USP44: variants seen among roughly 807,000 people sequenced by gnomAD.
USP44 encodes ubiquitin carboxyl-terminal hydrolase 44.
In USP44, 61 loss-of-function variants were observed where a neutral mutation model predicts 69.0. The observed-to-expected ratio is 0.88, with a 90% CI of 0.72 to 1.09. The LOEUF is 1.09. USP44 is among the 50% of genes least tolerant of loss of function. USP44 has a pLI of 0.00. For missense variants in USP44, 753 were observed against 849.9 expected (o/e 0.89, Z 1.42); for synonymous variants, 297 against 295.4 (o/e 1.01, Z -0.06).
intron 1 of USP44, among the ~76,000 whole-genome samples, chr12:95,545,293 A>G (rs2077533983): frequency 6.6e-6 from 1 of 152,058 alleles, no homozygotes; most frequent in Admixed American, 6.6e-5. Context: ...CATTAAAAAC[A>G]AAAACGAAAA....
chr12:95,522,061 T>C (rs561902830), intron 4 of USP44: 2 of 985,438 alleles, frequency 2.0e-6, no homozygotes, highest in Admixed American at 6.1e-5. Flanking sequence ...ATACTTCCCA[T>C]TACTGGATCT....
intron 1 of USP44, among the ~76,000 whole-genome samples, chr12:95,539,474 C>T (rs2077319423): frequency 1.3e-5 from 2 of 152,172 alleles, no homozygotes; most frequent in Non-Finnish European, 2.9e-5. Flanking sequence ...GATCTGCCCG[C>T]CTCGGCCTCC....
chr12:95,547,800 G>A (rs1038612458), intron 1 of USP44, among the ~76,000 whole-genome samples: 1 of 152,202 alleles, frequency 6.6e-6, no homozygotes, highest in Non-Finnish European at 1.5e-5. Context: ...GGTGGCGGGA[G>A]TGGGGGACTT....
In USP44 at chr12:95,543,993, A is replaced by T. The variant is rs532585668; in HGVS notation, c.-71+7279T>A. On this transcript the variant is annotated intron_variant, in intron 1 of 5. Transcript: ENST00000258499. ...AAAAAAAAAAAAAAAAAAAAAAGAAAAAAACCCAAAACAAAACAAAAACAA... is the reference window on the plus strand; with the variant it reads ...AAAAAAAAAAAAAAAAAAAAAAGAATAAAACCCAAAACAAAACAAAAACAA... Among the ~76,000 whole-genome samples the T allele has an allele frequency of 4.0e-5, 6 of 149,210 alleles. No homozygotes were observed. In the East Asian group the frequency reaches 1.2e-3, roughly 29 times the overall value.
chr12:95,545,495 C>G (rs140564378), intron 1 of USP44, among the ~76,000 whole-genome samples: 2 of 152,206 alleles, frequency 1.3e-5, no homozygotes, highest in East Asian at 3.9e-4. Context: ...GGAAGTAGGC[C>G]TTAGGAATTA....
At chr12:95,519,509 G>A (rs1405058179) in intron 5 of USP44, among the ~76,000 whole-genome samples, 1 of 140,900 alleles carries the variant, frequency 7.1e-6, no homozygotes, top group African/African-American at 2.6e-5. Context: ...GCGCAGTCTC[G>A]GCTCACTGCA....
intron 1 of USP44, among the ~76,000 whole-genome samples, chr12:95,540,221 G>A (rs186749338): frequency 1.3e-5 from 2 of 151,852 alleles, no homozygotes; most frequent in African/African-American, 2.4e-5. Flanking sequence ...GCTTACCTAC[G>A]CAACTTACCT....
At chr12:95,526,343 C>T (rs1435059745) in intron 3 of USP44, among the ~76,000 whole-genome samples, 1 of 152,170 alleles carries the variant, frequency 6.6e-6, no homozygotes, top group Non-Finnish European at 1.5e-5. Flanking sequence ...AAGGCAGAGG[C>T]GGGTGGATCA....
At chr12:95,537,831 T>C (rs1360871000) in intron 1 of USP44, among the ~76,000 whole-genome samples, 1 of 152,186 alleles carries the variant, frequency 6.6e-6, no homozygotes. Context: ...ATCTATACTT[T>C]CAAAATTGTA....
Position 95,533,191 on chromosome 12 carries a change from G to C in USP44, c.1066C>G (p.Leu356Val). The change falls in exon 2 of 6, where the codon CTA becomes GTA. Residue 356 changes from leucine (L) to valine (V), a missense_variant. Coordinates refer to ENST00000258499, the MANE Select transcript of USP44 (RefSeq NM_032147.5). ...CSRQSSLSSG[L>V]SGGASKGRKM... ...CTACCTTTTGATGCTCCACCACTTA[G>C]TCCTGATGACAGACTTGATTGTCTG... 1.2e-6 allele frequency: 2 copies of C among 1,614,108 alleles called. No homozygotes were observed. Among genetic ancestry groups the C allele is most frequent in the Non-Finnish European group, 1.7e-6 (2 of 1,180,026 alleles).
chr12:95,527,097 CT>C (rs1276106110), intron 3 of USP44, among the ~76,000 whole-genome samples: 263 of 133,926 alleles, frequency 2.0e-3, no homozygotes, highest in East Asian at 3.5e-3. Context: ...CTGGATCATT[CT>C]TTTTTTTTTT....
chr12:95,530,994 C>T (rs2077001693), intron 2 of USP44, among the ~76,000 whole-genome samples: 1 of 152,044 alleles, frequency 6.6e-6, no homozygotes, highest in Non-Finnish European at 1.5e-5. Flanking sequence ...GAAACCCCGT[C>T]TCTACTAAAA....
chr12:95,546,274 G>T (rs897030709), intron 1 of USP44, among the ~76,000 whole-genome samples: 2 of 152,134 alleles, frequency 1.3e-5, no homozygotes, highest in African/African-American at 4.8e-5. Flanking sequence ...CCTAGACTCT[G>T]TCATTCCAGC....
In USP44 at chr12:95,533,779, T is replaced by C; in HGVS notation, c.478A>G (p.Lys160Glu). ...TGTTCAAACCATGTTCGAAAGATTT[T>C]ACCCATTAGTATCCTTCTCCTGTGC... ...LWHRRRILMG[K>E]IFRTWFEQSP... The change falls in exon 2 of 6, where the codon AAA becomes GAA. Residue 160 changes from lysine to glutamate, a missense_variant. Transcript: ENST00000258499. The C allele has an allele frequency of 3.1e-6, 5 of 1,614,234 alleles. No homozygotes were observed. Among genetic ancestry groups the C allele is most frequent in the Non-Finnish European group, 3.4e-6 (4 of 1,180,046 alleles).
At position 95,518,090 on chromosome 12, in the gene USP44, G is replaced by T. The variant is rs1157971680; in HGVS notation, c.*64C>A. On this transcript the variant is annotated 3_prime_UTR_variant, in exon 6 of 6. Coordinates refer to ENST00000258499, the MANE Select transcript of USP44 (RefSeq NM_032147.5). ...CACAAGAAAAAATGAAGTTTAAAAT[G>T]GTACATCAGTCTTTTAAAAAGTATA... 2.0e-6 allele frequency: 3 copies of T among 1,531,720 alleles called. No homozygotes were observed. Among genetic ancestry groups the T allele is most frequent in the South Asian group, 1.2e-5 (1 of 84,788 alleles). 94.9% of individuals were successfully genotyped at this position (1,531,720 alleles called of 1,614,324 possible).
intron 5 of USP44, among the ~76,000 whole-genome samples, chr12:95,520,232 C>A (rs2076616235): frequency 6.6e-6 from 1 of 151,746 alleles, no homozygotes; most frequent in South Asian, 2.1e-4. Context: ...GTGGCTCATG[C>A]CTGTAATCCC....
chr12:95,549,990 C>T (rs1366358023), intron 1 of USP44, among the ~76,000 whole-genome samples: 3 of 151,982 alleles, frequency 2.0e-5, no homozygotes, highest in African/African-American at 4.8e-5. Context: ...AGCAGCCTGG[C>T]CAACATAGTG....
At position 95,528,872 on chromosome 12, in the gene USP44, A is replaced by G; in HGVS notation, c.1559T>C (p.Met520Thr). The G allele has an allele frequency of 6.2e-7, 1 of 1,614,036 alleles. No homozygotes were observed. Among genetic ancestry groups the G allele is most frequent in the Non-Finnish European group, 8.5e-7 (1 of 1,179,996 alleles). ...TTCAGTTTCTGTAAATTTGGCCAAC[A>G]TTTCAGTAACCAGACATGGCTGGGA... The part of the protein sequence containing the change: ...IASQPCLVTE[M>T]LAKFTETEAL... Residue 520 changes from methionine (M) to threonine (T), a missense_variant, in exon 3 of 6, where the codon ATG becomes ACG. Coordinates refer to ENST00000258499, the MANE Select transcript of USP44 (RefSeq NM_032147.5).
rs74762990 is a variant in USP44 at position 95,521,132 on chromosome 12, G to T, written c.1804C>A (p.Pro602Thr). The T allele has an allele frequency of 6.2e-7, 1 of 1,613,920 alleles. No individual in the cohort carries two copies. The highest frequency in any genetic ancestry group is 1.3e-5 in the African/African-American group (1 of 74,872). Residue 602 changes from proline (P) to threonine (T), a missense_variant, in exon 5 of 6, where the codon CCC becomes ACC. Transcript: ENST00000258499. ...TTCAGGGTCTCCCTGCAGCAATAGG[G>T]CTCCATGTTTAAGATTTCCTCAAAG... ...VGFEEILNMEPYCCRETLKSL... is the reference protein window; with the variant it reads ...VGFEEILNMETYCCRETLKSL...
Sources: allele counts gnomAD v4.1 joint callset (sites outside exome capture counted in the v4.1 genomes callset), GRCh38; gene constraint gnomAD v4.1.1; transcripts MANE v1.5; gene names NCBI Gene and HGNC (gene_info 2026-07-23, HGNC 2026-07-21).